Variants in OVCH1 observed in about 807,000 individuals in gnomAD.
OVCH1 encodes the protein ovochymase 1.
Under a neutral mutation model 138.4 loss-of-function variants are expected in OVCH1, and 139 were observed. The observed-to-expected ratio is 1.00, with a 90% CI of 0.87 to 1.16. OVCH1 has a LOEUF of 1.16. OVCH1 is among the 50% of genes most tolerant of loss of function. The pLI is 0.00. For missense variants in OVCH1, 1,367 were observed against 1,357.9 expected (o/e 1.01, Z -0.11); for synonymous variants, 453 against 467.8 (o/e 0.97, Z 0.41).
chr12:29,411,128 A>G (rs1940949647), downstream of OVCH1, among the ~76,000 whole-genome samples: 1 of 98,948 alleles, frequency 1.0e-5, no homozygotes, highest in Non-Finnish European at 2.6e-5. Flanking sequence ...TTCTTCCCGT[A>G]GTTCTCGAGC....
In OVCH1 at chr12:29,462,009, C is replaced by A. The variant is rs773866359; in HGVS notation, c.2126-1G>T. 3 of 1,610,970 alleles carry A rather than the reference C, an allele frequency of 1.9e-6. No individual in the cohort carries two copies. In the Admixed American group the frequency reaches 5.0e-5, roughly 27 times the overall value. On this transcript the variant is annotated splice_acceptor_variant, in intron 18 of 27. Coordinates refer to ENST00000318184, the Ensembl canonical transcript of OVCH1. LOFTEE classifies it high-confidence loss of function. Reference sequence around the variant, plus strand: ...TGTAGGCGACTTGCTAGGCCACCATCTAATGAAGAAACATTCAGAGAGAGC... The same window carrying A: ...TGTAGGCGACTTGCTAGGCCACCATATAATGAAGAAACATTCAGAGAGAGC...
the OVCH1 span, among the ~76,000 whole-genome samples, chr12:29,405,023 A>AAAAAAAAAAAAAAAAAC: frequency 7.7e-5 from 1 of 13,052 alleles, no homozygotes; most frequent in African/African-American, 1.7e-4. Context: ...CTCCACCTCA[A>AAAAAAAAAAAAAAAAAC]AAAAAAAAAA....
chr12:29,486,989 G>A, intron 7 of OVCH1: 1 of 451,070 alleles, frequency 2.2e-6, no homozygotes, highest in South Asian at 1.6e-5. Flanking sequence ...GTCTGTGGCA[G>A]TCTGAGGAAG....
chr12:29,411,826 C>G (rs1463155271), downstream of OVCH1, among the ~76,000 whole-genome samples: 1 of 151,770 alleles, frequency 6.6e-6, no homozygotes, highest in African/African-American at 2.4e-5. Context: ...AACCACTGCT[C>G]TCTTCAAAGC....
At position 29,418,935 on chromosome 12, in the gene OVCH1, G is replaced by T. The variant is rs560416176; in HGVS notation, c.*71+4192C>A. 1.3e-4 allele frequency among the ~76,000 whole-genome samples: 20 copies of T among 152,284 alleles called. 1 individual carries two copies. In the South Asian group the frequency reaches 3.9e-3, roughly 30 times the overall value. On this transcript the variant is annotated intron_variant and NMD_transcript_variant, in intron 3 of 4. Coordinates refer to the OVCH1 transcript ENST00000539117. ...TACACAGGTATAATCATAGCTCACT[G>T]CAGCCTCAAACTCTGGGCTCACGTG...
intron 25 of OVCH1, chr12:29,440,456 C>G: frequency 4.0e-6 from 1 of 250,898 alleles, no homozygotes; most frequent in Non-Finnish European, 7.9e-6. Flanking sequence ...GGGTGACAGT[C>G]TAAACTCCTC....
At chr12:29,445,674 T>C in intron 22 of OVCH1, among the ~76,000 whole-genome samples, 1 of 152,174 alleles carries the variant, frequency 6.6e-6, no homozygotes, top group Admixed American at 6.6e-5. Flanking sequence ...AGGTAGCAAA[T>C]TATTTTATGT....
Position 29,445,233 on chromosome 12 carries a change from T to C in OVCH1, c.2881+45A>G, listed in dbSNP as rs540383324. The C allele has an allele frequency of 2.9e-5, 44 of 1,527,676 alleles. No homozygotes were observed. The East Asian group carries it at 9.3e-4, about 32-fold the overall frequency. The allele number at this position is 1,527,676 out of a possible 1,614,324, so 94.6% of individuals were successfully genotyped here. A position where few individuals can be genotyped will look rare whatever the true frequency, so the allele number is the denominator to read the frequency against. ...GGAAATATTCCTAAATAGAGTAATA[T>C]TGATTTCTTTAGCCTTTACAAGTTT... On this transcript the variant is annotated intron_variant, in intron 23 of 27. Coordinates refer to ENST00000318184, the Ensembl canonical transcript of OVCH1.
chr12:29,484,789 G>A (rs1164999936), intron 8 of OVCH1, among the ~76,000 whole-genome samples: 1 of 152,094 alleles, frequency 6.6e-6, no homozygotes, highest in Non-Finnish European at 1.5e-5. Context: ...ACTGTCCCCT[G>A]AGGTTTACAA....
chr12:29,440,046 A>G (rs1941446633), intron 25 of OVCH1, among the ~76,000 whole-genome samples: 1 of 152,174 alleles, frequency 6.6e-6, no homozygotes, highest in African/African-American at 2.4e-5. Context: ...GCTTCATTAC[A>G]TAGACATGAT....
the OVCH1 span, among the ~76,000 whole-genome samples, chr12:29,406,083 T>C: frequency 2.0e-5 from 3 of 152,306 alleles, no homozygotes; most frequent in East Asian, 3.9e-4. Flanking sequence ...GGCTGATACC[T>C]TCAAGTATGA....
downstream of OVCH1, among the ~76,000 whole-genome samples, chr12:29,422,575 CA>C (rs1249492578): frequency 1.3e-4 from 20 of 152,162 alleles, no homozygotes. Flanking sequence ...TATGTTCATT[CA>C]TTTGCAAGAT....
intron 3 of OVCH1, among the ~76,000 whole-genome samples, 155 bp downstream of exon 3, chr12:29,496,026 C>A (rs891555117): frequency 6.6e-6 from 1 of 152,162 alleles, no homozygotes; most frequent in Non-Finnish European, 1.5e-5. Flanking sequence ...GGGACAGACA[C>A]ACATTTCTGG....
At chr12:29,433,924 G>T in intron 26 of OVCH1, 2 of 944,892 alleles carry the variant, frequency 2.1e-6, no homozygotes, top group Non-Finnish European at 2.8e-6. Flanking sequence ...AGCAAAGCCT[G>T]CTGGCTGATT....
chr12:29,463,351 C>T (rs1023146114), intron 18 of OVCH1, among the ~76,000 whole-genome samples: 3 of 152,108 alleles, frequency 2.0e-5, no homozygotes, highest in Admixed American at 6.6e-5. Flanking sequence ...GCAGCTGTGA[C>T]AAGATTGTAA....
Position 29,454,802 on chromosome 12 carries a change from G to A in OVCH1, c.2530+39C>T. 2.6e-6 allele frequency: 4 copies of A among 1,533,158 alleles called. No individual in the cohort carries two copies. The African/African-American group carries it at 5.5e-5, about 21-fold the overall frequency. 95.0% of individuals were successfully genotyped at this position (1,533,158 alleles called of 1,614,324 possible). A position where few individuals can be genotyped will look rare whatever the true frequency, so the allele number is the denominator to read the frequency against. On this transcript the variant is annotated intron_variant, in intron 21 of 27. Coordinates refer to ENST00000318184, the Ensembl canonical transcript of OVCH1. ...CAGACAATGCTTCTTGCCAAATTCT[G>A]GCTGAAAGTATTAATGGGATAATGT...
At chr12:29,474,108 T>C (rs1182121212) in intron 14 of OVCH1, among the ~76,000 whole-genome samples, 10 of 129,420 alleles carry the variant, frequency 7.7e-5, no homozygotes, top group East Asian at 2.2e-4. Context: ...CACACACATA[T>C]ATATATCTGT....
At chr12:29,430,948 C>T (rs545428488) in intron 27 of OVCH1, 10 of 514,954 alleles carry the variant, frequency 1.9e-5, no homozygotes, top group African/African-American at 1.3e-4. Flanking sequence ...CAGGCAGAAA[C>T]GGTTTGCTAA....
intron 26 of OVCH1, chr12:29,439,303 C>A: frequency 1.4e-6 from 2 of 1,463,138 alleles, no homozygotes; most frequent in Non-Finnish European, 1.8e-6. Context: ...AGCCCAAGTT[C>A]TAATCACCTC....
Sources: allele counts gnomAD v4.1 joint callset (sites outside exome capture counted in the v4.1 genomes callset), GRCh38; gene constraint gnomAD v4.1.1; transcripts MANE v1.5; gene names NCBI Gene and HGNC (gene_info 2026-07-23, HGNC 2026-07-21).